The following MEIS2 variants were observed in gnomAD, a reference collection of about 807,000 sequenced individuals.
MEIS2 encodes Meis homeobox 2.
MEIS2 carries 9 observed loss-of-function variants against 58.6 expected under a neutral mutation model. The observed-to-expected ratio is 0.15, with a 90% CI of 0.09 to 0.27. The LOEUF (loss-of-function observed/expected upper bound fraction) is 0.27, where lower values mean the gene tolerates loss of function less well. MEIS2 is among the 10% of genes least tolerant of loss of function. The pLI is 1.00. For synonymous variants in MEIS2, 221 were observed against 228.4 expected, an observed-to-expected ratio of 0.97 and a Z score of 0.29; for missense variants, 427 against 635.0, an observed-to-expected ratio of 0.67 and a Z score of 3.52.
rs370041197 is a variant in MEIS2 at position 37,001,428 on chromosome 15, A to G, written c.900+35386T>C. 4.6e-5 allele frequency among the ~76,000 whole-genome samples: 7 copies of G among 152,156 alleles called. No homozygotes were observed. In the East Asian group the frequency reaches 5.8e-4, roughly 13 times the overall value. ...GTACATGCTCATATACTGGACTCTC[A>G]TTTTCTCATAAACCTACTCCTGTTT... is the stretch of plus-strand genomic sequence containing the variant. On this transcript the variant is annotated intron_variant, in intron 8 of 11. Coordinates refer to ENST00000561208, the MANE Select transcript of MEIS2 (RefSeq NM_170675.5).
intron 5 of MEIS2, 30 bp downstream of exon 5, chr15:37,094,497 T>A (rs1423491819): frequency 6.2e-7 from 1 of 1,608,034 alleles, no homozygotes; most frequent in Non-Finnish European, 8.5e-7. Context: ...AATGGTTTAA[T>A]CAACACGGGG....
chr15:36,942,796 G>C (rs1440071642), intron 9 of MEIS2, among the ~76,000 whole-genome samples: 4 of 152,088 alleles, frequency 2.6e-5, no homozygotes, highest in African/African-American at 9.7e-5. Context: ...CACCACCATA[G>C]TAAAAAGGAC....
chr15:37,060,652 A>G (rs1025633325), intron 7 of MEIS2, among the ~76,000 whole-genome samples: 2 of 152,226 alleles, frequency 1.3e-5, no homozygotes, highest in Non-Finnish European at 1.5e-5. Flanking sequence ...GAACTTTTCA[A>G]ATAAGACTGG....
intron 9 of MEIS2, among the ~76,000 whole-genome samples, chr15:36,943,400 C>T (rs190326259): frequency 6.6e-5 from 10 of 152,154 alleles, no homozygotes; most frequent in African/African-American, 2.4e-4. Flanking sequence ...TTGTCTCCAT[C>T]AATGAAAGAG....
In MEIS2 at chr15:37,099,762, G is replaced by C. The variant is rs1230117455; in HGVS notation, c.-296C>G. On this transcript the variant is annotated 5_prime_UTR_variant, in exon 1 of 12. Coordinates refer to ENST00000561208, the MANE Select transcript of MEIS2 (RefSeq NM_170675.5). ...CCCCCCTCCCCTCCTCCTCCTCTTC[G>C]GTCCTCCTTTCCCCCTCTTTCTCTT... 3 of 327,316 alleles carry C rather than the reference G, an allele frequency of 9.2e-6. No individual in the cohort carries two copies. The highest frequency in any genetic ancestry group is 6.4e-5 in the Admixed American group (1 of 15,516). The allele number at this position is 327,316 out of a possible 1,614,324, so 20.3% of individuals were successfully genotyped here. A position where few individuals can be genotyped will look rare whatever the true frequency, so the allele number is the denominator to read the frequency against.
At chr15:36,953,827 C>T (rs1465077183) in intron 8 of MEIS2, among the ~76,000 whole-genome samples, 1 of 152,064 alleles carries the variant, frequency 6.6e-6, no homozygotes, top group Non-Finnish European at 1.5e-5. Flanking sequence ...TGACCTTAGG[C>T]CTTCTTCTTT....
At chr15:36,930,575 GT>G (rs1567067384) in intron 9 of MEIS2, among the ~76,000 whole-genome samples, 1 of 152,024 alleles carries the variant, frequency 6.6e-6, no homozygotes. Flanking sequence ...AATTTATTTT[GT>G]TGTTTTGTTT....
At chr15:37,061,255 T>C (rs1261866301) in intron 7 of MEIS2, among the ~76,000 whole-genome samples, 1 of 152,094 alleles carries the variant, frequency 6.6e-6, no homozygotes, top group Non-Finnish European at 1.5e-5. Context: ...AGACGGAAGA[T>C]GGGGATTAAA....
At chr15:37,088,502 T>C (rs1289266223) in intron 6 of MEIS2, among the ~76,000 whole-genome samples, 3 of 152,166 alleles carry the variant, frequency 2.0e-5, no homozygotes, top group African/African-American at 7.2e-5. Context: ...CTTGGGGTAC[T>C]GAAGTCTACA....
At chr15:37,028,509 C>A (rs931016339) in intron 8 of MEIS2, among the ~76,000 whole-genome samples, 4 of 152,312 alleles carry the variant, frequency 2.6e-5, no homozygotes, top group Non-Finnish European at 5.9e-5. Flanking sequence ...TCTAGAGGAG[C>A]TTCTAGGATC....
intron 8 of MEIS2, among the ~76,000 whole-genome samples, chr15:37,001,650 C>A (rs1344975198): frequency 6.6e-6 from 1 of 152,118 alleles, no homozygotes; most frequent in African/African-American, 2.4e-5. Flanking sequence ...CATTAGCTTA[C>A]ACTTAGATCA....
At chr15:37,041,305 T>C (rs1252047496) in intron 7 of MEIS2, among the ~76,000 whole-genome samples, 1 of 152,196 alleles carries the variant, frequency 6.6e-6, no homozygotes, top group Non-Finnish European at 1.5e-5. Context: ...TGATGCCCAC[T>C]CTAGCTCGAG....
At chr15:37,026,339 G>C (rs2061704827) in intron 8 of MEIS2, among the ~76,000 whole-genome samples, 1 of 152,100 alleles carries the variant, frequency 6.6e-6, no homozygotes, top group Non-Finnish European at 1.5e-5. Context: ...CATGTATTCT[G>C]GGTAAGAAAA....
intron 8 of MEIS2, among the ~76,000 whole-genome samples, chr15:36,970,676 T>C (rs2059521312): frequency 6.6e-6 from 1 of 152,172 alleles, no homozygotes. Flanking sequence ...TGCCCCATCA[T>C]AAATTCATAA....
intron 7 of MEIS2, among the ~76,000 whole-genome samples, chr15:37,066,745 G>T (rs1889986201): frequency 6.6e-6 from 1 of 152,130 alleles, no homozygotes; most frequent in Non-Finnish European, 1.5e-5. Context: ...GTCCATGAGA[G>T]CTTAAAGAGA....
intron 8 of MEIS2, among the ~76,000 whole-genome samples, chr15:36,965,333 T>C (rs2059318844): frequency 6.6e-6 from 1 of 152,216 alleles, no homozygotes; most frequent in Non-Finnish European, 1.5e-5. Flanking sequence ...AATAATTATG[T>C]GATATTGGCA....
Position 36,891,540 on chromosome 15 carries a change from A to C in MEIS2, c.*633T>G, listed in dbSNP as rs2055855817. 1 of 152,782 alleles carries C rather than the reference A, an allele frequency of 6.5e-6. No homozygotes were observed. The highest frequency in any genetic ancestry group is 6.5e-5 in the Admixed American group (1 of 15,292). The allele number at this position is 152,782 out of a possible 1,614,324, so 9.5% of individuals were successfully genotyped here. A position where few individuals can be genotyped will look rare whatever the true frequency, so the allele number is the denominator to read the frequency against. ...CAAGCTCTTTGAAGAAGAGTCCCCC[A>C]AAAATAATAATAAGAATTGGCTTAT... On this transcript the variant is annotated 3_prime_UTR_variant, in exon 12 of 12. Transcript: ENST00000561208.
chr15:37,023,532 A>T (rs972279205), intron 8 of MEIS2, among the ~76,000 whole-genome samples: 5 of 152,202 alleles, frequency 3.3e-5, no homozygotes, highest in Non-Finnish European at 1.5e-5. Context: ...AGATTATCTC[A>T]TTGGAATTCT....
chr15:37,001,783 G>C (rs959155925), intron 8 of MEIS2, among the ~76,000 whole-genome samples: 1 of 151,926 alleles, frequency 6.6e-6, no homozygotes, highest in African/African-American at 2.4e-5. Context: ...GTTTTCTTTA[G>C]ATTCATCCAT....
Sources: gnomAD v4.1 joint callset for allele counts (sites outside exome capture counted in the v4.1 genomes callset) on GRCh38, gnomAD v4.1.1 for gene constraint, MANE v1.5 for transcripts, NCBI Gene and HGNC (gene_info 2026-07-23, HGNC 2026-07-21) for gene names.